The following IGF1R variants were observed in gnomAD, a reference collection of about 807,000 sequenced individuals.
IGF1R encodes the protein insulin like growth factor 1 receptor, also known as insulin-like growth factor 1 receptor.
In IGF1R, 44 loss-of-function variants were observed where a neutral mutation model predicts 144.6. The observed-to-expected ratio is 0.30, with a 90% CI of 0.24 to 0.39. The LOEUF is 0.39. Among genes scored for constraint, IGF1R ranks in the 10% least tolerant of loss-of-function variants. The pLI, the probability that IGF1R is intolerant of heterozygous loss-of-function variation, is 1.00. For missense variants in IGF1R, 1,355 were observed against 1,833.7 expected (o/e 0.74, Z 4.77); for synonymous variants, 795 against 722.8 (o/e 1.10, Z -1.60).
chr15:98,685,049 C>T (rs562912833), intron 1 of IGF1R, among the ~76,000 whole-genome samples: 23 of 151,438 alleles, frequency 1.5e-4, no homozygotes, highest in Middle Eastern at 3.4e-3. Context: ...CTCAAGGGAT[C>T]CTCCTGCCTC....
rs567965897 is a variant in IGF1R, at chr15:98,854,420, C to G, written c.641-36905C>G. On this transcript the variant is annotated intron_variant, in intron 2 of 20. Transcript: ENST00000650285. ...TGCCTTAGGGATTTTGCCTGGCACT[C>G]TCCTGGGCTCATGAGGTGCCTAGGG... 7.9e-5 allele frequency among the ~76,000 whole-genome samples: 12 copies of G among 152,332 alleles called. No homozygotes were observed. In the South Asian group the frequency reaches 2.5e-3, roughly 32 times the overall value.
chr15:98,904,224 T>C (rs2014621716), intron 5 of IGF1R, among the ~76,000 whole-genome samples: 1 of 152,018 alleles, frequency 6.6e-6, no homozygotes, highest in Non-Finnish European at 1.5e-5. Context: ...ACTAATTTTT[T>C]TGTATTTTTA....
chr15:98,866,707 A>G (rs1014074849), intron 2 of IGF1R, among the ~76,000 whole-genome samples: 4 of 152,278 alleles, frequency 2.6e-5, no homozygotes, highest in African/African-American at 9.6e-5. Flanking sequence ...TTGGGATGAG[A>G]GGAAGCGCTG....
intron 2 of IGF1R, among the ~76,000 whole-genome samples, chr15:98,771,857 C>T (rs1161522749): frequency 2.6e-5 from 4 of 152,002 alleles, no homozygotes; most frequent in Admixed American, 2.0e-4. Flanking sequence ...AAGTTACTGA[C>T]ATTCAAGCTG....
Position 98,962,670 on chromosome 15 carries a change from AGAG to A in IGF1R, c.*5229_*5231del, listed in dbSNP as rs1192952288. The stretch of plus-strand genomic sequence containing the variant: ...ACCATTGTCACAGGGATCCTGGCAC[AGAG>A]AAGAGTTACGAGCAGCAGGGTGCAG... On this transcript the variant is annotated 3_prime_UTR_variant, in exon 21 of 21. Transcript: ENST00000650285. 1.7e-5 allele frequency: 4 copies of A among 233,716 alleles called. No homozygotes were observed. Among genetic ancestry groups the A allele is most frequent in the Non-Finnish European group, 2.5e-5 (3 of 118,144 alleles). 14.5% of individuals were successfully genotyped at this position (233,716 alleles called of 1,614,324 possible).
chr15:98,648,870 G>A lies in IGF1R; in HGVS notation c.-712G>A, dbSNP rs2052260929. ...AGGCGGCGGCGGGCGGGGGCCGGGCGGGGGCCGGCGCGGGGCGGGCGGCGG... is the reference window on the plus strand; with the variant it reads ...AGGCGGCGGCGGGCGGGGGCCGGGCAGGGGCCGGCGCGGGGCGGGCGGCGG... On this transcript the variant is annotated 5_prime_UTR_variant, in exon 1 of 21. Transcript: ENST00000650285. The A allele has an allele frequency of 1.4e-5, 2 of 145,390 alleles. No individual in the cohort carries two copies. Among genetic ancestry groups the A allele is most frequent in the Non-Finnish European group, 3.1e-5 (2 of 65,376 alleles). 9.0% of individuals were successfully genotyped at this position (145,390 alleles called of 1,614,324 possible). A position where few individuals can be genotyped will look rare whatever the true frequency, so the allele number is the denominator to read the frequency against.
chr15:98,924,032 C>T lies in IGF1R; in HGVS notation c.2622+20C>T. The T allele has an allele frequency of 6.2e-7, 1 of 1,611,964 alleles. No individual in the cohort carries two copies. Among genetic ancestry groups the T allele is most frequent in the Middle Eastern group, 1.7e-4 (1 of 6,060 alleles). On this transcript the variant is annotated intron_variant, in intron 12 of 20. Transcript: ENST00000650285. ...GTTGAGGTAGGACTGGGGCAGTGGC[C>T]CGTGCCTGCATGTACTTCCATCCAT...
chr15:98,818,393 C>G (rs969942787), intron 2 of IGF1R, among the ~76,000 whole-genome samples: 4 of 152,124 alleles, frequency 2.6e-5, no homozygotes, highest in African/African-American at 9.7e-5. Flanking sequence ...ACACTGATTT[C>G]TACAACAGTC....
intron 7 of IGF1R, among the ~76,000 whole-genome samples, chr15:98,911,913 T>G (rs1328401521): frequency 6.6e-6 from 1 of 152,224 alleles, no homozygotes; most frequent in East Asian, 1.9e-4. Context: ...TGTGGCCCTC[T>G]GCTCTAGGTC....
At chr15:98,708,147 TCTCTC>T in intron 2 of IGF1R, 40 bp downstream of exon 2, 1 of 1,539,262 alleles carries the variant, frequency 6.5e-7, no homozygotes, top group Non-Finnish European at 9.0e-7. Context: ...TCTGCCTCTC[TCTCTC>T]CTCTCCTCCT....
chr15:98,948,739 C>A, intron 20 of IGF1R, 31 bp downstream of exon 20: 1 of 1,612,200 alleles, frequency 6.2e-7, no homozygotes, highest in Non-Finnish European at 8.5e-7. Flanking sequence ...CCGTGCTCTT[C>A]TGAGTTCTCT....
chr15:98,847,203 C>T (rs1024632413), intron 2 of IGF1R, among the ~76,000 whole-genome samples: 8 of 152,176 alleles, frequency 5.3e-5, no homozygotes, highest in African/African-American at 1.9e-4. Flanking sequence ...TCTCGAACTC[C>T]TGACCTCAAG....
At chr15:98,790,152 T>G (rs1202688586) in intron 2 of IGF1R, among the ~76,000 whole-genome samples, 1 of 152,082 alleles carries the variant, frequency 6.6e-6, no homozygotes, top group Non-Finnish European at 1.5e-5. Flanking sequence ...ATGGGCTTGG[T>G]CATTGCAGTG....
At chr15:98,699,599 C>G (rs1032106715) in intron 1 of IGF1R, among the ~76,000 whole-genome samples, 1 of 152,156 alleles carries the variant, frequency 6.6e-6, no homozygotes. Context: ...GCTACAGATG[C>G]TTTCAGTGGA....
chr15:98,667,042 G>A (rs1238947197), intron 1 of IGF1R, among the ~76,000 whole-genome samples: 2 of 152,074 alleles, frequency 1.3e-5, no homozygotes, highest in African/African-American at 2.4e-5. Flanking sequence ...CACTGCGGGG[G>A]AACTGTGAGG....
intron 6 of IGF1R, among the ~76,000 whole-genome samples, chr15:98,909,332 G>C (rs2014896599): frequency 7.1e-6 from 1 of 140,102 alleles, no homozygotes; most frequent in Admixed American, 7.7e-5. Context: ...CATGATCTTG[G>C]CTCACTGTAA....
chr15:98,712,837 C>G (rs1172450675), intron 2 of IGF1R, among the ~76,000 whole-genome samples: 1 of 149,748 alleles, frequency 6.7e-6, no homozygotes, highest in Admixed American at 6.7e-5. Flanking sequence ...CTCGAACTCC[C>G]GACCTCAGGC....
Position 98,935,430 on chromosome 15 carries a change from A to G in IGF1R, c.3297+4A>G, listed in dbSNP as rs1219311729. ...GTCTCTGAGGCCAGAAATGGAGGTC[A>G]GTTTTCATTTCCACCGGTATTGCAT... On this transcript the variant is annotated splice_donor_region_variant and intron_variant, in intron 17 of 20. Coordinates refer to ENST00000650285, the MANE Select transcript of IGF1R (RefSeq NM_000875.5). This position sits in a 1 kb window ranked among gnomAD's most constrained non-coding sequence, Gnocchi z 4.2. The G allele has an allele frequency of 4.6e-6, 7 of 1,506,808 alleles. No individual in the cohort carries two copies. The East Asian group carries it at 7.4e-5, about 16-fold the overall frequency. 93.3% of individuals were successfully genotyped at this position (1,506,808 alleles called of 1,614,324 possible).
At chr15:98,685,615 TTGTC>T (rs928581000) in intron 1 of IGF1R, among the ~76,000 whole-genome samples, 3 of 152,222 alleles carry the variant, frequency 2.0e-5, no homozygotes, top group African/African-American at 4.8e-5. Context: ...TATCTGCTCA[TTGTC>T]TGTCCAGGGT....
Sources: allele counts gnomAD v4.1 joint callset (sites outside exome capture counted in the v4.1 genomes callset), GRCh38; gene constraint gnomAD v4.1.1; non-coding constraint Gnocchi (gnomAD v3.1); transcripts MANE v1.5; gene names NCBI Gene and HGNC (gene_info 2026-07-23, HGNC 2026-07-21).